The following CENPC variants were observed in gnomAD, a reference collection of about 807,000 sequenced individuals.
The protein encoded by CENPC is CENP-C 1.
Under a neutral mutation model 112.1 loss-of-function variants are expected in CENPC, and 63 were observed. That is an observed-to-expected ratio of 0.56 (90% CI 0.46 to 0.69). CENPC has a LOEUF of 0.69. Ranked by LOEUF, CENPC falls within the 30% of genes least tolerant of loss-of-function variation. CENPC has a pLI of 0.00. For missense variants in CENPC, 1,000 were observed against 1,103.8 expected (o/e 0.91, Z 1.33); for synonymous variants, 333 against 367.6 (o/e 0.91, Z 1.08).
At chr4:67,473,655 C>A (rs1053274181) in intron 18 of CENPC, among the ~76,000 whole-genome samples, 10 of 152,136 alleles carry the variant, frequency 6.6e-5, no homozygotes, top group African/African-American at 2.4e-4. Context: ...TGGGCTCATG[C>A]AGTCCTCCTG....
At chr4:67,530,425 C>T (rs1726512088) in intron 5 of CENPC, among the ~76,000 whole-genome samples, 1 of 144,586 alleles carries the variant, frequency 6.9e-6, no homozygotes, top group South Asian at 2.2e-4. Context: ...AACACACATG[C>T]TTTTTTTTTT....
chr4:67,493,879 T>C lies in CENPC; in HGVS notation c.2290+5A>G. 6.3e-7 allele frequency: 1 copy of C among 1,599,198 alleles called. No individual in the cohort carries two copies. Among genetic ancestry groups the C allele is most frequent in the Non-Finnish European group, 8.6e-7 (1 of 1,168,754 alleles). On this transcript the variant is annotated splice_donor_5th_base_variant and intron_variant, in intron 14 of 18. Coordinates refer to ENST00000273853, the MANE Select transcript of CENPC (RefSeq NM_001812.4). ...GACAGATATTATAACATAAATAAGTTTTACCTGATGGCCTTCCTTGATAAT... is the reference window on the plus strand; with the variant it reads ...GACAGATATTATAACATAAATAAGTCTTACCTGATGGCCTTCCTTGATAAT...
At chr4:67,523,806 G>C (rs1257541028) in intron 5 of CENPC, among the ~76,000 whole-genome samples, 1 of 152,070 alleles carries the variant, frequency 6.6e-6, no homozygotes, top group African/African-American at 2.4e-5. Flanking sequence ...ATTCCATGAA[G>C]AAATGGTTGA....
In CENPC at chr4:67,522,454, C is replaced by T. The variant is rs997896777; in HGVS notation, c.332-2952G>A. 4.6e-5 allele frequency among the ~76,000 whole-genome samples: 7 copies of T among 152,258 alleles called. No homozygotes were observed. In the South Asian group the frequency reaches 1.5e-3, roughly 32 times the overall value. On this transcript the variant is annotated intron_variant, in intron 5 of 18. Coordinates refer to ENST00000273853, the MANE Select transcript of CENPC (RefSeq NM_001812.4). ...CTTGACTGCAGGCTGGGAGTCTTTT[C>T]TCTCCATAATGGCTACTTTGGGCTT...
At chr4:67,536,518 C>A (rs187978492) in intron 4 of CENPC, among the ~76,000 whole-genome samples, 1 of 152,082 alleles carries the variant, frequency 6.6e-6, no homozygotes, top group Admixed American at 6.5e-5. Context: ...GAAGTAATAA[C>A]TAGACCTAGG....
At chr4:67,509,692 A>G (rs758867619) in intron 9 of CENPC, among the ~76,000 whole-genome samples, 12 of 152,080 alleles carry the variant, frequency 7.9e-5, no homozygotes, top group Non-Finnish European at 1.2e-4. Context: ...ATGCCTTTCA[A>G]ATCTTTCAAG....
chr4:67,491,767 C>A (rs1187262229), intron 16 of CENPC, among the ~76,000 whole-genome samples: 3 of 151,962 alleles, frequency 2.0e-5, no homozygotes, highest in Non-Finnish European at 4.4e-5. Context: ...ATCTGTAGGC[C>A]CAGAAGTTTG....
At chr4:67,518,029 A>C in intron 7 of CENPC, 127 bp downstream of exon 7, 1 of 563,478 alleles carries the variant, frequency 1.8e-6, no homozygotes, top group Non-Finnish European at 2.9e-6. Context: ...GGTCAGAAAA[A>C]ATTTCAATTA....
intron 17 of CENPC, 127 bp from the exon 18 acceptor site, chr4:67,475,105 T>C: frequency 1.6e-6 from 1 of 610,494 alleles, no homozygotes; most frequent in Non-Finnish European, 2.9e-6. Flanking sequence ...CCAGAACTTG[T>C]AAATACATTA....
At chr4:67,535,488 T>C (rs1030734005) in intron 4 of CENPC, among the ~76,000 whole-genome samples, 2 of 151,690 alleles carry the variant, frequency 1.3e-5, no homozygotes, top group Non-Finnish European at 2.9e-5. Context: ...TAAATTAATG[T>C]GTCTATGCAT....
At chr4:67,498,363 G>A (rs1725498343) in intron 12 of CENPC, among the ~76,000 whole-genome samples, 2 of 152,184 alleles carry the variant, frequency 1.3e-5, no homozygotes, top group East Asian at 3.8e-4. Flanking sequence ...AGGCTGGGGT[G>A]TCTGTGGCAG....
At chr4:67,490,431 G>T (rs1369410088) in intron 16 of CENPC, among the ~76,000 whole-genome samples, 1 of 152,240 alleles carries the variant, frequency 6.6e-6, no homozygotes, top group East Asian at 1.9e-4. Flanking sequence ...ACGAGTTAAT[G>T]TGTGTAAACT....
rs1277327058 is a variant in CENPC at position 67,506,843 on chromosome 4, G to A, written c.1996C>T (p.Pro666Ser). The change falls in exon 11 of 19, where the codon CCA (proline) becomes TCA (serine). Residue 666 changes from proline to serine, a missense_variant. Pro to Ser is a moderately conservative substitution (Grantham distance 74, BLOSUM62 -1). Transcript: ENST00000273853. The stretch of plus-strand genomic sequence containing the variant: ...CCAGAATCCAAGTTTGACTCTGTTG[G>A]TATATTACATGTATATCCACTGGTC... Reference protein sequence around the residue: ...PQTSGYTCNIPTESNLDSGEH... With the variant: ...PQTSGYTCNISTESNLDSGEH... 3 of 1,611,818 alleles carry A rather than the reference G, an allele frequency of 1.9e-6. No individual in the cohort carries two copies. The highest frequency in any genetic ancestry group is 4.5e-5 in the East Asian group (2 of 44,770).
intron 5 of CENPC, among the ~76,000 whole-genome samples, chr4:67,522,684 G>A (rs1726261695): frequency 6.6e-6 from 1 of 152,156 alleles, no homozygotes; most frequent in South Asian, 2.1e-4. Context: ...GGGGGGAAAG[G>A]TGATGACCTA....
At chr4:67,480,382 C>G (rs149223051) in intron 17 of CENPC, among the ~76,000 whole-genome samples, 285 of 152,230 alleles carry the variant, frequency 1.9e-3, no homozygotes, top group African/African-American at 6.6e-3. Context: ...CAGCTGAATT[C>G]TATCAGACAT....
intron 2 of CENPC, 124 bp downstream of exon 2, chr4:67,544,025 C>T (rs1726958770): frequency 3.1e-6 from 2 of 644,066 alleles, no homozygotes; most frequent in East Asian, 5.7e-5. Context: ...AAGATGACTA[C>T]CCTTAATCAG....
At chr4:67,513,600 A>G (rs1293283131) in intron 8 of CENPC, among the ~76,000 whole-genome samples, 30 of 152,098 alleles carry the variant, frequency 2.0e-4, no homozygotes, top group Admixed American at 2.0e-3. Flanking sequence ...AACCCACCAG[A>G]ATGATCTTGT....
chr4:67,519,532 C>A, intron 5 of CENPC, 30 bp from the exon 6 acceptor site: 3 of 1,337,752 alleles, frequency 2.2e-6, no homozygotes, highest in South Asian at 3.7e-5. Context: ...AGATATTTGT[C>A]AATTAAAAGA....
intron 16 of CENPC, among the ~76,000 whole-genome samples, chr4:67,491,159 A>G (rs1725247550): frequency 6.7e-6 from 1 of 149,890 alleles, no homozygotes. Context: ...TTTTTTAGGA[A>G]TTAACTAACT....
Sources: gnomAD v4.1 joint callset for allele counts (sites outside exome capture counted in the v4.1 genomes callset) on GRCh38, gnomAD v4.1.1 for gene constraint, MANE v1.5 for transcripts, NCBI Gene and HGNC (gene_info 2026-07-23, HGNC 2026-07-21) for gene names.